The following VSTM4 variants were observed in gnomAD, a reference collection of about 807,000 sequenced individuals.
VSTM4 encodes the protein V-set and transmembrane domain-containing protein 4.
In VSTM4, 20 loss-of-function variants were observed where a neutral mutation model predicts 36.4. The observed-to-expected ratio is 0.55, with a 90% CI of 0.39 to 0.80. The LOEUF (loss-of-function observed/expected upper bound fraction) is 0.80, where lower values mean the gene tolerates loss of function less well. Ranked by LOEUF, VSTM4 falls within the 30% of genes least tolerant of loss-of-function variation. The probability of loss-of-function intolerance (pLI) is 0.00; values close to 1 mark genes in which losing one functional copy is unlikely to be tolerated. For missense variants in VSTM4, 392 were observed against 404.5 expected (o/e 0.97, Z 0.26); for synonymous variants, 182 against 173.9 (o/e 1.05, Z -0.37).
chr10:49,114,585 G>GT (rs33942311), intron 1 of VSTM4, among the ~76,000 whole-genome samples: 2,533 of 142,280 alleles, frequency 0.018, 31 homozygotes, highest in African/African-American at 0.026. Flanking sequence ...CCAAGTTCAT[G>GT]TTTTTTTTTT....
chr10:49,081,901 T>C (rs1844285457), intron 3 of VSTM4, among the ~76,000 whole-genome samples: 1 of 152,210 alleles, frequency 6.6e-6, no homozygotes. Flanking sequence ...TTCCCCTTGA[T>C]TGAGCAGCAA....
chr10:49,064,763 G>T (rs1843942829), intron 4 of VSTM4, 27 bp from the exon 5 acceptor site: 3 of 1,608,486 alleles, frequency 1.9e-6, no homozygotes, highest in Non-Finnish European at 2.5e-6. Context: ...AATAGAAGAT[G>T]GTAAACCAAT....
intron 7 of VSTM4, among the ~76,000 whole-genome samples, chr10:49,019,988 A>T (rs1843158372): frequency 6.6e-6 from 1 of 152,194 alleles, no homozygotes. Flanking sequence ...CTGCAGTGAG[A>T]TCCTGTGATT....
chr10:49,071,173 G>A (rs1844072597), intron 4 of VSTM4, among the ~76,000 whole-genome samples: 1 of 152,218 alleles, frequency 6.6e-6, no homozygotes, highest in African/African-American at 2.4e-5. Flanking sequence ...GATGAGTACA[G>A]AGAAAGAAGC....
chr10:49,090,695 G>A (rs144766216), intron 2 of VSTM4, among the ~76,000 whole-genome samples: 1 of 152,326 alleles, frequency 6.6e-6, no homozygotes, highest in African/African-American at 2.4e-5. Flanking sequence ...CCCCCCTCTG[G>A]GTGATAGGAA....
In VSTM4 at chr10:49,050,153, C is replaced by A. The variant is rs1475338257; in HGVS notation, c.669-1569G>T. ...ACGTGTGTCCTGATAAGGAAAGATG[C>A]ATTGCTAAGTGGAAAAGCTAGGTGT... On this transcript the variant is annotated intron_variant, in intron 5 of 7. Coordinates refer to ENST00000332853, the MANE Select transcript of VSTM4 (RefSeq NM_001031746.5). Among the ~76,000 whole-genome samples, 5 of 152,146 alleles carry A rather than the reference C, an allele frequency of 3.3e-5. No individual in the cohort carries two copies. The East Asian group carries it at 9.6e-4, about 29-fold the overall frequency.
Position 49,018,970 on chromosome 10 carries a change from G to A in VSTM4, c.*680C>T, listed in dbSNP as rs1341769438. 6.6e-6 allele frequency: 1 copy of A among 152,288 alleles called. No individual in the cohort carries two copies. The highest frequency in any genetic ancestry group is 1.5e-5 in the Non-Finnish European group (1 of 68,074). 9.4% of individuals were successfully genotyped at this position (152,288 alleles called of 1,614,324 possible). ...ATCAGTACAGGTCCACCTTGTGAAA[G>A]GGCTGGAAGCCCTCTAGAATGGTGT... On this transcript the variant is annotated 3_prime_UTR_variant, in exon 8 of 8. Coordinates refer to ENST00000332853, the MANE Select transcript of VSTM4 (RefSeq NM_001031746.5).
At chr10:49,060,911 CA>C (rs1017676767) in intron 5 of VSTM4, among the ~76,000 whole-genome samples, 3 of 152,178 alleles carry the variant, frequency 2.0e-5, no homozygotes, top group Admixed American at 2.0e-4. Flanking sequence ...CACTGTCTGT[CA>C]AAAGGACAAA....
At chr10:49,051,615 T>C (rs564028562) in intron 5 of VSTM4, among the ~76,000 whole-genome samples, 9 of 152,212 alleles carry the variant, frequency 5.9e-5, no homozygotes, top group Middle Eastern at 3.4e-3. Flanking sequence ...AGGCTAGTCT[T>C]GAACTCCTGA....
chr10:49,110,456 T>A (rs1034714943), intron 1 of VSTM4, among the ~76,000 whole-genome samples: 4 of 150,572 alleles, frequency 2.7e-5, no homozygotes, highest in Non-Finnish European at 5.9e-5. Flanking sequence ...CCTGCCTTCA[T>A]TTTGCCCCAT....
intron 7 of VSTM4, among the ~76,000 whole-genome samples, chr10:49,020,847 CAGAG>C (rs750190510): frequency 6.6e-5 from 10 of 151,978 alleles, no homozygotes; most frequent in South Asian, 4.2e-4. Flanking sequence ...TAAATTTACT[CAGAG>C]AGAATGAAGT....
chr10:49,108,077 A>T (rs1844823697), intron 1 of VSTM4, 82 bp from the exon 2 acceptor site: 1 of 1,457,638 alleles, frequency 6.9e-7, no homozygotes. Context: ...GAGCCAGGAA[A>T]TGCCTCCACG....
chr10:49,063,791 C>G (rs148465388), intron 5 of VSTM4, among the ~76,000 whole-genome samples: 2 of 152,284 alleles, frequency 1.3e-5, no homozygotes, highest in African/African-American at 4.8e-5. Context: ...CTAGGTGCCT[C>G]TTGCTGGCTC....
chr10:49,075,516 G>A (rs1844161092), intron 4 of VSTM4, among the ~76,000 whole-genome samples: 1 of 152,262 alleles, frequency 6.6e-6, no homozygotes, highest in African/African-American at 2.4e-5. Flanking sequence ...CCATGCCAAG[G>A]CACAAGTGCA....
chr10:49,070,210 G>A (rs1480490956), intron 4 of VSTM4, among the ~76,000 whole-genome samples: 1 of 49,282 alleles, frequency 2.0e-5, no homozygotes, highest in Admixed American at 3.1e-4. Context: ...CCGAGATCCC[G>A]CCACTGCACT....
intron 6 of VSTM4, among the ~76,000 whole-genome samples, chr10:49,047,810 G>A (rs967504653): frequency 1.3e-4 from 20 of 152,332 alleles, no homozygotes; most frequent in African/African-American, 4.8e-4. Flanking sequence ...GCCCGCAGTT[G>A]AGGAATAGAA....
At chr10:49,050,537 A>G (rs905120016) in intron 5 of VSTM4, among the ~76,000 whole-genome samples, 2 of 152,228 alleles carry the variant, frequency 1.3e-5, no homozygotes, top group African/African-American at 2.4e-5. Context: ...CCTTATTTTT[A>G]TTGGGAACGG....
At chr10:49,022,705 T>C (rs193060945) in intron 7 of VSTM4, among the ~76,000 whole-genome samples, 171 of 152,282 alleles carry the variant, frequency 1.1e-3, no homozygotes, top group African/African-American at 3.9e-3. Context: ...CCCATTATAA[T>C]GATTCCATTT....
chr10:49,033,008 A>G (rs1843370821), intron 7 of VSTM4, among the ~76,000 whole-genome samples: 1 of 152,056 alleles, frequency 6.6e-6, no homozygotes, highest in Admixed American at 6.6e-5. Flanking sequence ...AGACTCTATC[A>G]AAATTAAAAA....
Sources: gnomAD v4.1 joint callset for allele counts (sites outside exome capture counted in the v4.1 genomes callset) on GRCh38, gnomAD v4.1.1 for gene constraint, MANE v1.5 for transcripts, NCBI Gene and HGNC (gene_info 2026-07-23, HGNC 2026-07-21) for gene names.